Variants in KCTD14 observed in about 807,000 individuals in gnomAD.
The protein encoded by KCTD14 is BTB/POZ domain-containing protein KCTD14.
In KCTD14, 7 loss-of-function variants were observed where a neutral mutation model predicts 5.9. The observed-to-expected ratio is 1.19, with a 90% CI of 0.68 to 2.23. KCTD14 has a LOEUF of 2.23. Ranked by LOEUF, KCTD14 falls within the 30% of genes most tolerant of loss-of-function variation. The pLI is 0.00. For missense variants in KCTD14, 342 were observed against 332.2 expected, an observed-to-expected ratio of 1.03 and a Z score of -0.23; for synonymous variants, 140 against 133.1, an observed-to-expected ratio of 1.05 and a Z score of -0.36.
chr11:78,039,485 C>T (rs1350446832), intron 1 of KCTD14, among the ~76,000 whole-genome samples: 1 of 150,668 alleles, frequency 6.6e-6, no homozygotes, highest in Non-Finnish European at 1.5e-5. Flanking sequence ...GCCATGATCT[C>T]ACCACTGTAC....
intron 2 of KCTD14, among the ~76,000 whole-genome samples, chr11:78,030,266 C>A (rs180724268): frequency 6.6e-6 from 1 of 152,242 alleles, no homozygotes; most frequent in Non-Finnish European, 1.5e-5. Flanking sequence ...CCTGGCAGTT[C>A]AAAATAGGCA....
chr11:78,045,996 G>C (rs1565320337), intron 1 of KCTD14: 2 of 622,242 alleles, frequency 3.2e-6, no homozygotes, highest in East Asian at 2.8e-4. Context: ...CCCAGTTAGA[G>C]GCAGCCTCAG....
intron 1 of KCTD14, among the ~76,000 whole-genome samples, chr11:78,043,489 A>G (rs1448191061): frequency 1.3e-5 from 2 of 152,210 alleles, no homozygotes; most frequent in African/African-American, 4.8e-5. Context: ...CAATAAAACA[A>G]ATACCATCCT....
chr11:78,031,250 G>A (rs1267778437), intron 2 of KCTD14, among the ~76,000 whole-genome samples: 1 of 151,854 alleles, frequency 6.6e-6, no homozygotes, highest in Non-Finnish European at 1.5e-5. Context: ...GTCTCACTAT[G>A]TTGCCCAGAC....
At chr11:78,027,612 C>T (rs760266981), upstream of KCTD14, among the ~76,000 whole-genome samples, 3 of 152,046 alleles carry the variant, frequency 2.0e-5, no homozygotes, top group East Asian at 1.9e-4. Flanking sequence ...CTGCCTGGCT[C>T]GGCCTCCCAA....
intron 2 of KCTD14, chr11:78,038,600 C>G: frequency 6.6e-7 from 1 of 1,523,744 alleles, no homozygotes; most frequent in Non-Finnish European, 8.8e-7. Flanking sequence ...CCCAAGTGAA[C>G]AGCTTCTCCA....
intron 2 of KCTD14, among the ~76,000 whole-genome samples, chr11:78,032,214 C>T (rs1254800324): frequency 1.3e-5 from 2 of 152,184 alleles, no homozygotes; most frequent in Non-Finnish European, 2.9e-5. Flanking sequence ...GGTCCCAGCC[C>T]CAGCAAGCTC....
At chr11:78,021,548 G>T (rs1857308140) in intron 1 of KCTD14, among the ~76,000 whole-genome samples, 1 of 151,754 alleles carries the variant, frequency 6.6e-6, no homozygotes, top group East Asian at 2.0e-4. Context: ...CCTCCAGAGT[G>T]GCTGGGACTA....
rs115472766 is a variant in KCTD14 at position 78,039,863 on chromosome 11, T to C, written c.-95-1105A>G. On this transcript the variant is annotated intron_variant, in intron 1 of 2. Transcript: ENST00000533144. ...GCGACAGAGCATTGTGTTGTATGAA[T>C]GTATCATAAATCTACTAAGCCACAT... Among the ~76,000 whole-genome samples, 1,191 of 152,314 alleles carry C rather than the reference T, an allele frequency of 7.8e-3. 15 individuals carry two copies. Among genetic ancestry groups the C allele is most frequent in the African/African-American group, 0.027 (1,117 of 41,574 alleles).
chr11:78,031,042 A>C (rs1230994837), intron 2 of KCTD14, among the ~76,000 whole-genome samples: 1 of 146,702 alleles, frequency 6.8e-6, no homozygotes, highest in East Asian at 2.0e-4. Context: ...GATAGCAAGT[A>C]ATGGTTTTTT....
chr11:78,033,479 C>G (rs10793275), intron 2 of KCTD14, among the ~76,000 whole-genome samples: 52,235 of 151,376 alleles, frequency 0.35, 9,043 homozygotes, highest in South Asian at 0.43. Context: ...GTCAGGAGTT[C>G]AAGACCAGCC....
chr11:78,021,730 T>C (rs369220981), intron 1 of KCTD14, among the ~76,000 whole-genome samples: 1 of 152,192 alleles, frequency 6.6e-6, no homozygotes. Flanking sequence ...GAGTACGTTT[T>C]CTGAAGTACA....
rs369858200 is a variant in KCTD14 at position 78,017,387 on chromosome 11, G to C, written c.91-117C>G. On this transcript the variant is annotated intron_variant, in intron 1 of 1. Transcript: ENST00000353172. ...AGGGGAGCCATAATGATTGGCTTCA[G>C]CTAGTGAAAGGCCCATCTTACTAAA... The C allele has an allele frequency of 1.3e-4, 170 of 1,287,768 alleles. 2 individuals are homozygous for C. The African/African-American group carries it at 2.1e-3, about 16-fold the overall frequency. The allele number at this position is 1,287,768 out of a possible 1,614,324, so 79.8% of individuals were successfully genotyped here. A position where few individuals can be genotyped will look rare whatever the true frequency, so the allele number is the denominator to read the frequency against.
chr11:78,045,392 G>A (rs932303940), intron 1 of KCTD14, among the ~76,000 whole-genome samples: 8 of 152,166 alleles, frequency 5.3e-5, no homozygotes, highest in Non-Finnish European at 1.0e-4. Flanking sequence ...CTACGATAGT[G>A]ATGTTATCTG....
chr11:78,043,251 T>G (rs1858043642), intron 1 of KCTD14, among the ~76,000 whole-genome samples: 1 of 152,258 alleles, frequency 6.6e-6, no homozygotes, highest in African/African-American at 2.4e-5. Context: ...GTAAGATATT[T>G]GTTGCAATGT....
intron 2 of KCTD14, among the ~76,000 whole-genome samples, chr11:78,037,214 A>T (rs1591193052): frequency 6.6e-6 from 1 of 150,556 alleles, no homozygotes. Context: ...TGCTGCAACC[A>T]CTCCCCCGGG....
At chr11:78,037,991 C>CA (rs3083632) in intron 2 of KCTD14, among the ~76,000 whole-genome samples, 114 of 136,590 alleles carry the variant, frequency 8.3e-4, no homozygotes, top group East Asian at 4.0e-3. Context: ...AAAAGTTGAC[C>CA]AAAAAAAAAA....
At chr11:78,025,118 G>A (rs113804562), upstream of KCTD14, among the ~76,000 whole-genome samples, 6,940 of 43,150 alleles carry the variant, frequency 0.16, 566 homozygotes, top group Non-Finnish European at 0.23. Context: ...GTGTGTGTGT[G>A]TATATATATA....
At chr11:78,023,024 G>A in intron 1 of KCTD14, 136 bp downstream of exon 1, 1 of 633,498 alleles carries the variant, frequency 1.6e-6, no homozygotes, top group Non-Finnish European at 2.8e-6. Context: ...AGCCCGAGGT[G>A]AAGGGGGACA....
Sources: allele counts gnomAD v4.1 joint callset (sites outside exome capture counted in the v4.1 genomes callset), GRCh38; gene constraint gnomAD v4.1.1; transcripts MANE v1.5; gene names NCBI Gene and HGNC (gene_info 2026-07-23, HGNC 2026-07-21).